Variants in PDZD7 observed in about 807,000 individuals in gnomAD.
PDZD7 encodes PDZ domain-containing protein 7.
In PDZD7, 72 loss-of-function variants were observed where a neutral mutation model predicts 84.7. The ratio of observed to expected loss-of-function variants is 0.85; its 90% CI spans 0.70 to 1.03. The LOEUF (loss-of-function observed/expected upper bound fraction) is 1.03. Among genes scored for constraint, PDZD7 ranks in the 50% least tolerant of loss-of-function variants. PDZD7 has a pLI of 0.00. For missense variants in PDZD7, 1,490 were observed against 1,412.9 expected, an observed-to-expected ratio of 1.05 and a Z score of -0.87; for synonymous variants, 594 against 580.7, an observed-to-expected ratio of 1.02 and a Z score of -0.33.
intron 4 of PDZD7, chr10:101,023,070 CTTTTTTT>C (rs1161602421): frequency 9.4e-5 from 12 of 127,838 alleles, no homozygotes; most frequent in Middle Eastern, 3.7e-3. Context: ...CCATGCCCGG[CTTTTTTT>C]TTTTTTTTTT....
At chr10:101,022,714 G>C (rs535907065) in intron 4 of PDZD7, among the ~76,000 whole-genome samples, 1 of 151,804 alleles carries the variant, frequency 6.6e-6, no homozygotes, top group South Asian at 2.1e-4. Context: ...TTCCACCTCA[G>C]CCTCTTGAAT....
rs1423091509 is a variant in PDZD7 at position 101,010,751 on chromosome 10, C to G, written c.2138G>C (p.Gly713Ala). The G allele has an allele frequency of 6.5e-7, 1 of 1,533,732 alleles. No individual in the cohort carries two copies. The highest frequency in any genetic ancestry group is 1.4e-5 in the African/African-American group (1 of 72,538). The change falls in exon 15 of 17, where the codon GGG becomes GCG. Residue 713 changes from glycine (G) to alanine (A), a missense_variant. Coordinates refer to ENST00000619208, the MANE Select transcript of PDZD7 (RefSeq NM_001195263.2). ...SASAPRHPHKGIPPLQDVPVD... is the reference protein window; with the variant it reads ...SASAPRHPHKAIPPLQDVPVD... ...TGGCACGTCTTGTAGAGGGGGGATC[C>G]CTTTATGGGGGTGGCGAGGGGCAGA...
At chr10:101,021,693 T>C in intron 6 of PDZD7, 105 bp downstream of exon 6, 1 of 1,528,080 alleles carries the variant, frequency 6.5e-7, no homozygotes, top group Non-Finnish European at 9.1e-7. Context: ...TACCTTCTAG[T>C]GGCTGTGGGA....
chr10:101,022,181 C>T (rs369575062), intron 5 of PDZD7, 28 bp downstream of exon 5: 38 of 1,613,632 alleles, frequency 2.4e-5, no homozygotes, highest in Non-Finnish European at 3.0e-5. Context: ...CAGTTCTACC[C>T]GAAGACACTT....
At chr10:101,017,783 T>A (rs563282867) in intron 9 of PDZD7, 2 of 420,384 alleles carry the variant, frequency 4.8e-6, no homozygotes, top group Admixed American at 5.8e-5. Flanking sequence ...CAAAACTCCA[T>A]CTCAAAAAAA....
chr10:101,024,188 G>A (rs1222016919), intron 2 of PDZD7, 120 bp from the exon 3 acceptor site: 1 of 1,413,986 alleles, frequency 7.1e-7, no homozygotes, highest in African/African-American at 1.4e-5. Context: ...CAGGCACGTA[G>A]GGGCCTAAAT....
chr10:101,014,652 C>G (rs1178184230), intron 11 of PDZD7, among the ~76,000 whole-genome samples: 1 of 145,258 alleles, frequency 6.9e-6, no homozygotes, highest in Non-Finnish European at 1.5e-5. Context: ...ATGTCTCAGT[C>G]TCCAGGTGAC....
chr10:101,023,244 G>C (rs1003712398), intron 4 of PDZD7, 192 bp downstream of exon 4: 43 of 661,434 alleles, frequency 6.5e-5, no homozygotes, highest in Non-Finnish European at 1.0e-4. Flanking sequence ...TGGGAGAGCA[G>C]AGCTATTGGA....
intron 15 of PDZD7, among the ~76,000 whole-genome samples, chr10:101,009,700 C>T (rs575957671): frequency 2.6e-4 from 39 of 149,892 alleles, no homozygotes; most frequent in Admixed American, 1.0e-3. Flanking sequence ...CTCCGCCTCC[C>T]GGGTTCAGCC....
chr10:101,007,751 G>A lies in PDZD7; in HGVS notation c.*716C>T, dbSNP rs1396358812. The A allele has an allele frequency of 4.1e-5, 26 of 631,964 alleles. No individual in the cohort carries two copies. The highest frequency in any genetic ancestry group is 1.2e-4 in the African/African-American group (6 of 49,950). 39.1% of individuals were successfully genotyped at this position (631,964 alleles called of 1,614,324 possible). On this transcript the variant is annotated 3_prime_UTR_variant, in exon 17 of 17. Coordinates refer to ENST00000619208, the MANE Select transcript of PDZD7 (RefSeq NM_001195263.2). ...TCCCTTCACCCAGGTTTATGGCCTC[G>A]TTTTCACTTGTATATTTTTCACACT...
At chr10:101,029,214 A>T (rs1347487578) in intron 2 of PDZD7, among the ~76,000 whole-genome samples, 1 of 152,140 alleles carries the variant, frequency 6.6e-6, no homozygotes, top group Non-Finnish European at 1.5e-5. Flanking sequence ...CTAAGTGCCC[A>T]CCTACCATGC....
chr10:101,010,920 C>CCCTCCCAGACTGGACCA lies in PDZD7; in HGVS notation c.2006-38_2006-37insTGGTCCAGTCTGGGAGG, dbSNP rs71305551. The CCCTCCCAGACTGGACCA allele has an allele frequency of 0.035, 53,134 of 1,533,422 alleles. 2,207 individuals carry two copies. The highest frequency in any genetic ancestry group is 0.2 in the African/African-American group (14,865 of 72,938). The allele number at this position is 1,533,422 out of a possible 1,614,324, so 95.0% of individuals were successfully genotyped here. A position where few individuals can be genotyped will look rare whatever the true frequency, so the allele number is the denominator to read the frequency against. ...CGCCAAGGTCAGCTGCCCACTCCTC[C>CCCTCCCAGACTGGACCA]CCTCTCCAGGACCCAGGCCTTGCTT... On this transcript the variant is annotated intron_variant, in intron 14 of 16. Transcript: ENST00000619208.
intron 11 of PDZD7, among the ~76,000 whole-genome samples, chr10:101,013,003 G>A (rs908969665): frequency 1.3e-5 from 2 of 152,298 alleles, no homozygotes; most frequent in South Asian, 2.1e-4. Context: ...TCGCCCCCTC[G>A]TGGCAAGAGG....
chr10:101,018,682 C>G, intron 8 of PDZD7, 140 bp downstream of exon 8: 1 of 1,143,850 alleles, frequency 8.7e-7, no homozygotes, highest in South Asian at 1.6e-5. Flanking sequence ...ACAGCAGGGT[C>G]TGAGCAGCCT....
rs200896335 is a variant in PDZD7 at position 101,010,536 on chromosome 10, TGCTGCGGCTGCG to T, written c.2341_2352del (p.Arg781_Ser784del). 48 of 1,523,836 alleles carry T rather than the reference TGCTGCGGCTGCG, an allele frequency of 3.1e-5. No homozygotes were observed. The highest frequency in any genetic ancestry group is 2.5e-4 in the African/African-American group (18 of 72,676). 94.4% of individuals were successfully genotyped at this position (1,523,836 alleles called of 1,614,324 possible). On this transcript the variant is annotated inframe_deletion, in exon 15 of 17. Coordinates refer to ENST00000619208, the MANE Select transcript of PDZD7 (RefSeq NM_001195263.2). Reference sequence around the variant, plus strand: ...CCTGGAGACTTGCCTTGACCCCGGCTGCTGCGGCTGCGGCTGCGGCTACGGCTGCGGCTACGG... The same window carrying T: ...CCTGGAGACTTGCCTTGACCCCGGCTGCTGCGGCTACGGCTGCGGCTACGG...
chr10:101,026,072 T>C (rs1270090054), intron 2 of PDZD7, among the ~76,000 whole-genome samples: 1 of 151,692 alleles, frequency 6.6e-6, no homozygotes, highest in Non-Finnish European at 1.5e-5. Flanking sequence ...AAGGCGGCCC[T>C]CTCCATCACG....
chr10:101,025,337 G>A (rs1937625652), intron 2 of PDZD7, among the ~76,000 whole-genome samples: 1 of 151,962 alleles, frequency 6.6e-6, no homozygotes, highest in African/African-American at 2.4e-5. Context: ...AGCCTCCCAA[G>A]TAGCTGGGAT....
intron 6 of PDZD7, among the ~76,000 whole-genome samples, chr10:101,021,375 C>T (rs1853084255): frequency 6.6e-6 from 1 of 152,138 alleles, no homozygotes; most frequent in African/African-American, 2.4e-5. Flanking sequence ...TGAATCCAGC[C>T]ACCTCCCGTG....
In PDZD7 at chr10:101,021,819, C is replaced by G; in HGVS notation, c.846G>C (p.Thr282=). The G allele has an allele frequency of 6.2e-7, 1 of 1,614,182 alleles. No individual in the cohort carries two copies. The highest frequency in any genetic ancestry group is 8.5e-7 in the Non-Finnish European group (1 of 1,180,020). Residue 282 remains threonine, a synonymous_variant, in exon 6 of 17, where the codon ACG becomes ACC. Transcript: ENST00000619208. ...SQAVEVLKGQ[T]HIMLTIKETG... is the part of the protein sequence containing the mutation. The stretch of plus-strand genomic sequence containing the variant: ...CCACCTTGATGGTCAGCATGATGTG[C>G]GTTTGGCCCTTCAGCACCTCCACGG...
Sources: allele counts gnomAD v4.1 joint callset (sites outside exome capture counted in the v4.1 genomes callset), GRCh38; gene constraint gnomAD v4.1.1; transcripts MANE v1.5; gene names NCBI Gene and HGNC (gene_info 2026-07-23, HGNC 2026-07-21).